ASIC2: variants seen among roughly 807,000 people sequenced by gnomAD.
ASIC2 encodes the protein acid-sensing ion channel 2.
A neutral mutation model predicts 57.3 loss-of-function variants in ASIC2; 25 were observed. The ratio of observed to expected loss-of-function variants is 0.44; its 90% CI spans 0.32 to 0.61. The LOEUF is 0.61. Ranked by LOEUF, ASIC2 falls within the 20% of genes least tolerant of loss-of-function variation. The pLI is 0.06. For synonymous variants in ASIC2, 319 were observed against 307.5 expected (o/e 1.04, Z -0.39); for missense variants, 641 against 738.1 (o/e 0.87, Z 1.52).
At position 33,331,091 on chromosome 17, in the gene ASIC2, T is replaced by A. The variant is rs373637290; in HGVS notation, c.556-219024A>T. Among the ~76,000 whole-genome samples the A allele has an allele frequency of 3.0e-4, 45 of 152,216 alleles. No individual in the cohort carries two copies. In the East Asian group the frequency reaches 4.0e-3, roughly 14 times the overall value. On this transcript the variant is annotated intron_variant, in intron 1 of 9. Transcript: ENST00000359872. ...ACCTCCTGTTAGATCAGCAGTGGTGTTAGATTCTTCTAGGAGCACAAACCC... is the reference window on the plus strand; with the variant it reads ...ACCTCCTGTTAGATCAGCAGTGGTGATAGATTCTTCTAGGAGCACAAACCC...
intron 1 of ASIC2, among the ~76,000 whole-genome samples, chr17:33,965,372 A>C (rs1450394632): frequency 2.0e-5 from 3 of 152,094 alleles, no homozygotes; most frequent in Non-Finnish European, 2.9e-5. Context: ...AAGCATGGAG[A>C]ATAAACATGA....
At chr17:33,941,280 C>T (rs1916187310) in intron 1 of ASIC2, among the ~76,000 whole-genome samples, 1 of 152,182 alleles carries the variant, frequency 6.6e-6, no homozygotes. Context: ...TTCAGATCAT[C>T]CCTCTCCCAG....
At chr17:33,165,647 G>A (rs193271176) in intron 1 of ASIC2, among the ~76,000 whole-genome samples, 1 of 152,234 alleles carries the variant, frequency 6.6e-6, no homozygotes, top group East Asian at 1.9e-4. Flanking sequence ...GATTCCTGAT[G>A]TCACTCTGAC....
intron 1 of ASIC2, among the ~76,000 whole-genome samples, chr17:33,530,356 AT>A (rs1232064079): frequency 6.6e-6 from 1 of 152,242 alleles, no homozygotes; most frequent in Non-Finnish European, 1.5e-5. Flanking sequence ...GACTTCCTTT[AT>A]TCCTAGCATG....
rs144935911 is a variant in ASIC2, at chr17:33,146,982, G to T, written c.709-34915C>A. Among the ~76,000 whole-genome samples, 686 of 152,284 alleles carry T rather than the reference G, an allele frequency of 4.5e-3. 2 individuals carry two copies. The highest frequency in any genetic ancestry group is 0.026 in the South Asian group (126 of 4,818). ...CTGAGTAATTCTATTTTTCACTGCT[G>T]CTGTTTCCATTTTGCTCCTTGATAT... On this transcript the variant is annotated intron_variant, in intron 1 of 9. Coordinates refer to ENST00000225823, the MANE Select transcript of ASIC2 (RefSeq NM_183377.2).
chr17:33,699,887 T>C (rs1409421621), intron 1 of ASIC2, among the ~76,000 whole-genome samples: 1 of 152,194 alleles, frequency 6.6e-6, no homozygotes, highest in Non-Finnish European at 1.5e-5. Context: ...GGAGTACATA[T>C]AAACTGACTA....
chr17:33,600,990 A>C (rs1050433391), intron 1 of ASIC2, among the ~76,000 whole-genome samples: 2 of 152,232 alleles, frequency 1.3e-5, no homozygotes, highest in Non-Finnish European at 2.9e-5. Context: ...ATGAACTAGG[A>C]TATCTGGTAG....
intron 1 of ASIC2, among the ~76,000 whole-genome samples, chr17:33,216,134 A>G (rs1219939654): frequency 2.0e-5 from 3 of 152,242 alleles, no homozygotes; most frequent in Non-Finnish European, 2.9e-5. Context: ...ATTGAATCAC[A>G]TGATAATTTC....
intron 1 of ASIC2, among the ~76,000 whole-genome samples, chr17:34,135,861 C>T (rs183070574): frequency 7.3e-4 from 111 of 152,200 alleles, no homozygotes; most frequent in African/African-American, 2.6e-3. Context: ...CATCCTCAAC[C>T]AGGATGCTGC....
intron 1 of ASIC2, among the ~76,000 whole-genome samples, chr17:33,409,230 A>T (rs7209957): frequency 0.13 from 19,202 of 151,888 alleles, 1,275 homozygotes; most frequent in Middle Eastern, 0.15. Flanking sequence ...TAATTTTTTT[A>T]AAAAAAAGTT....
intron 1 of ASIC2, among the ~76,000 whole-genome samples, chr17:33,536,488 C>G (rs969963953): frequency 6.6e-6 from 1 of 152,216 alleles, no homozygotes; most frequent in African/African-American, 2.4e-5. Context: ...TAAGGTCACC[C>G]TGCTCCCAAC....
At chr17:33,665,603 G>T (rs1907446962) in intron 1 of ASIC2, among the ~76,000 whole-genome samples, 1 of 152,232 alleles carries the variant, frequency 6.6e-6, no homozygotes, top group Non-Finnish European at 1.5e-5. Flanking sequence ...ATTGCAGTTA[G>T]AAAATCATCT....
Position 33,292,169 on chromosome 17 carries a change from C to A in ASIC2, c.-54G>T. 4.9e-6 allele frequency: 5 copies of A among 1,019,132 alleles called. No homozygotes were observed. Among genetic ancestry groups the A allele is most frequent in the Non-Finnish European group, 4.7e-6 (4 of 854,202 alleles). 63.1% of individuals were successfully genotyped at this position (1,019,132 alleles called of 1,614,324 possible). A position where few individuals can be genotyped will look rare whatever the true frequency, so the allele number is the denominator to read the frequency against. On this transcript the variant is annotated 5_prime_UTR_variant, in exon 1 of 10. Transcript: ENST00000225823. ...CGGCGGCCCCGGCCGGGCGGAGCCG[C>A]CATGGGAGTCCGCAGCAGCAGTGGA... is the stretch of plus-strand genomic sequence containing the variant.
intron 1 of ASIC2, among the ~76,000 whole-genome samples, chr17:33,696,397 T>A (rs1399583709): frequency 2.0e-5 from 3 of 152,230 alleles, no homozygotes; most frequent in African/African-American, 7.2e-5. Flanking sequence ...ACACATTTAT[T>A]CATGTTCTTT....
At chr17:33,202,512 C>T (rs1906909292) in intron 1 of ASIC2, among the ~76,000 whole-genome samples, 1 of 152,188 alleles carries the variant, frequency 6.6e-6, no homozygotes, top group African/African-American at 2.4e-5. Flanking sequence ...GTGTGGCCAG[C>T]AGGTCAGCAC....
At chr17:33,614,307 T>C (rs1474041486) in intron 1 of ASIC2, among the ~76,000 whole-genome samples, 2 of 152,196 alleles carry the variant, frequency 1.3e-5, no homozygotes, top group Admixed American at 6.5e-5. Flanking sequence ...CAGACGGAGC[T>C]GTACCCCGTC....
chr17:33,086,022 T>C (rs745497475), intron 3 of ASIC2, among the ~76,000 whole-genome samples: 5 of 152,184 alleles, frequency 3.3e-5, no homozygotes, highest in Non-Finnish European at 7.3e-5. Context: ...CCTCCGAAGC[T>C]GGGAATATGT....
chr17:34,034,313 C>G (rs553862207), intron 1 of ASIC2, among the ~76,000 whole-genome samples: 14 of 152,148 alleles, frequency 9.2e-5, no homozygotes, highest in Middle Eastern at 3.4e-3. Flanking sequence ...ATTCAACAAC[C>G]CTTCATGCTA....
At chr17:33,189,241 T>C (rs151069195) in intron 1 of ASIC2, among the ~76,000 whole-genome samples, 1 of 151,592 alleles carries the variant, frequency 6.6e-6, no homozygotes, top group Admixed American at 6.6e-5. Flanking sequence ...TAACAAAGAA[T>C]TATCTGGCTC....
Sources: gnomAD v4.1 joint callset for allele counts (sites outside exome capture counted in the v4.1 genomes callset) on GRCh38, gnomAD v4.1.1 for gene constraint, MANE v1.5 for transcripts, NCBI Gene and HGNC (gene_info 2026-07-23, HGNC 2026-07-21) for gene names.